Variants in CNST observed in about 807,000 individuals in gnomAD.
CNST encodes consortin.
In CNST, 39 loss-of-function variants were observed where a neutral mutation model predicts 72.4. The ratio of observed to expected loss-of-function variants is 0.54; its 90% CI spans 0.42 to 0.70. The LOEUF (loss-of-function observed/expected upper bound fraction) is 0.70, where lower values mean the gene tolerates loss of function less well. CNST is among the 30% of genes least tolerant of loss of function. CNST has a pLI of 0.00. For synonymous variants in CNST, 332 were observed against 320.1 expected (o/e 1.04, Z -0.40); for missense variants, 871 against 868.5 (o/e 1.00, Z -0.04).
intron 8 of CNST, 120 bp from the exon 9 acceptor site, chr1:246,647,018 GA>G: frequency 2.2e-6 from 2 of 894,506 alleles, no homozygotes; most frequent in Non-Finnish European, 3.3e-6. Context: ...GCAACAGACA[GA>G]ATTTCCATTT....
intron 9 of CNST, chr1:246,648,267 A>G: frequency 1.6e-6 from 2 of 1,265,820 alleles, no homozygotes; most frequent in Non-Finnish European, 2.0e-6. Flanking sequence ...GCATGCCTCC[A>G]GCTAGAGTGA....
chr1:246,566,584 G>A lies in CNST; in HGVS notation c.-131G>A, dbSNP rs79863523. Reference sequence around the variant, plus strand: ...ACCCGAGCAAGCTCCGTGACAGCACGTCGGCCGCCATGTCGCCGAGTGGGG... The same window carrying A: ...ACCCGAGCAAGCTCCGTGACAGCACATCGGCCGCCATGTCGCCGAGTGGGG... On this transcript the variant is annotated 5_prime_UTR_variant, in exon 1 of 11. Coordinates refer to ENST00000366513, the MANE Select transcript of CNST (RefSeq NM_152609.3). 5.3e-4 allele frequency: 215 copies of A among 403,908 alleles called. No homozygotes were observed. Among genetic ancestry groups the A allele is most frequent in the African/African-American group, 2.8e-3 (136 of 48,788 alleles). The allele number at this position is 403,908 out of a possible 1,614,324, so 25.0% of individuals were successfully genotyped here.
At chr1:246,608,814 C>T (rs1003562435) in intron 2 of CNST, among the ~76,000 whole-genome samples, 5 of 152,210 alleles carry the variant, frequency 3.3e-5, no homozygotes, top group Non-Finnish European at 5.9e-5. Flanking sequence ...CTGTTCCTGT[C>T]TTCCCGTCCC....
chr1:246,572,525 T>C (rs1026219866), intron 1 of CNST, among the ~76,000 whole-genome samples: 1 of 7,422 alleles, frequency 1.3e-4, no homozygotes, highest in African/African-American at 1.8e-4. Flanking sequence ...TGTGTGTGGT[T>C]TGTTATTTAG....
At chr1:246,571,606 A>G (rs940381668) in intron 1 of CNST, among the ~76,000 whole-genome samples, 8 of 152,244 alleles carry the variant, frequency 5.3e-5, no homozygotes, top group African/African-American at 1.7e-4. Flanking sequence ...GCCTATGAAA[A>G]TACTGACAAA....
At chr1:246,616,061 G>C (rs1572182289) in intron 2 of CNST, among the ~76,000 whole-genome samples, 3 of 152,130 alleles carry the variant, frequency 2.0e-5, no homozygotes, top group Non-Finnish European at 4.4e-5. Context: ...TTTAACTATA[G>C]GTCACTTGGC....
intron 2 of CNST, chr1:246,606,401 C>G (rs544797627): frequency 6.6e-6 from 1 of 151,980 alleles, no homozygotes; most frequent in African/African-American, 2.4e-5. Context: ...ATTTCTAGAA[C>G]CGCTTTTCCA....
rs189821763 is a variant in CNST at position 246,574,530 on chromosome 1, A to G, written c.-52+7867A>G. Reference sequence around the variant, plus strand: ...AGCCTCAAACTCCTGGACTCAAGCAATCCTCCCACTTCAGCCTCCCTAGTA... The same window carrying G: ...AGCCTCAAACTCCTGGACTCAAGCAGTCCTCCCACTTCAGCCTCCCTAGTA... On this transcript the variant is annotated intron_variant, in intron 1 of 10. Coordinates refer to ENST00000366513, the MANE Select transcript of CNST (RefSeq NM_152609.3). Among the ~76,000 whole-genome samples the G allele has an allele frequency of 5.1e-3, 774 of 152,154 alleles. 2 individuals carry two copies. The highest frequency in any genetic ancestry group is 0.02 in the Middle Eastern group (6 of 294).
At chr1:246,601,254 A>G (rs764501553) in intron 2 of CNST, among the ~76,000 whole-genome samples, 1 of 151,986 alleles carries the variant, frequency 6.6e-6, no homozygotes, top group Non-Finnish European at 1.5e-5. Context: ...GCAGTGAGCC[A>G]TGATCACGCC....
At chr1:246,637,303 T>G (rs144497658) in intron 6 of CNST, among the ~76,000 whole-genome samples, 1,990 of 152,300 alleles carry the variant, frequency 0.013, 17 homozygotes, top group Middle Eastern at 0.037. Context: ...TGTAGCTTTT[T>G]GTGAGGATCA....
chr1:246,642,133 G>GTTTTTTTTTTTTTTTTTTTTTTTTTT (rs74163469), intron 8 of CNST, 96 bp downstream of exon 8: 1 of 180,372 alleles, frequency 5.5e-6, no homozygotes, highest in African/African-American at 4.5e-5. Flanking sequence ...AAAGGATCTG[G>GTTTTTTTTTTTTTTTTTTTTTTTTTT]TTTTTTTTTT....
At chr1:246,620,257 ACT>A (rs373161522) in intron 2 of CNST, among the ~76,000 whole-genome samples, 2 of 10,828 alleles carry the variant, frequency 1.8e-4, no homozygotes, top group African/African-American at 3.5e-4. Context: ...CTCTGGGAAC[ACT>A]CTACAGGGAG....
chr1:246,618,817 A>G (rs975577857), intron 2 of CNST, among the ~76,000 whole-genome samples: 1 of 152,242 alleles, frequency 6.6e-6, no homozygotes, highest in Non-Finnish European at 1.5e-5. Context: ...AATCGATGCT[A>G]ACTAAATAAC....
intron 1 of CNST, among the ~76,000 whole-genome samples, chr1:246,574,141 A>C (rs1316157385): frequency 1.3e-5 from 2 of 152,150 alleles, no homozygotes; most frequent in Admixed American, 1.3e-4. Context: ...TCCTGGGTTC[A>C]CGCCATTCTC....
At chr1:246,639,041 G>A (rs1000967221) in intron 6 of CNST, among the ~76,000 whole-genome samples, 1 of 152,186 alleles carries the variant, frequency 6.6e-6, no homozygotes, top group Non-Finnish European at 1.5e-5. Flanking sequence ...AGGCTTCCAA[G>A]GGTGAGGACA....
At chr1:246,586,292 TAA>T (rs999641787) in intron 1 of CNST, among the ~76,000 whole-genome samples, 61 of 147,800 alleles carry the variant, frequency 4.1e-4, no homozygotes, top group African/African-American at 8.6e-4. Context: ...TTTCTATATA[TAA>T]GATACATATA....
At chr1:246,608,838 A>G (rs576856216) in intron 2 of CNST, among the ~76,000 whole-genome samples, 22 of 152,348 alleles carry the variant, frequency 1.4e-4, no homozygotes, top group African/African-American at 4.8e-4. Flanking sequence ...ATTGACATTA[A>G]AACCACTTAG....
chr1:246,659,321 G>C (rs547208053), intron 9 of CNST, among the ~76,000 whole-genome samples: 1 of 152,178 alleles, frequency 6.6e-6, no homozygotes, highest in Non-Finnish European at 1.5e-5. Context: ...CAGGCCGGGT[G>C]CGGTGGCTCA....
rs536379187 is a variant in CNST, at chr1:246,651,156, C to A, written c.1836+3119C>A. ...TTGAAATTTTTTTTTATGCTTCCTT[C>A]CGTTTGTGATTAGAGGATATAGAAC... On this transcript the variant is annotated intron_variant, in intron 9 of 10. Coordinates refer to ENST00000366513, the MANE Select transcript of CNST (RefSeq NM_152609.3). Among the ~76,000 whole-genome samples the A allele has an allele frequency of 7.2e-5, 11 of 152,140 alleles. No homozygotes were observed. The South Asian group carries it at 2.3e-3, about 32-fold the overall frequency.
Sources: gnomAD v4.1 joint callset for allele counts (sites outside exome capture counted in the v4.1 genomes callset) on GRCh38, gnomAD v4.1.1 for gene constraint, MANE v1.5 for transcripts, NCBI Gene and HGNC (gene_info 2026-07-23, HGNC 2026-07-21) for gene names.